The following KDM7A variants were observed in gnomAD, a reference collection of about 807,000 sequenced individuals.
KDM7A encodes lysine demethylase 7A.
A neutral mutation model predicts 114.8 loss-of-function variants in KDM7A; 28 were observed. The observed-to-expected ratio is 0.24, with a 90% CI of 0.18 to 0.33. KDM7A has a LOEUF of 0.33. Among genes scored for constraint, KDM7A ranks in the 10% least tolerant of loss-of-function variants. The pLI is 1.00. For missense variants in KDM7A, 942 were observed against 1,142.5 expected, an observed-to-expected ratio of 0.82 and a Z score of 2.53; for synonymous variants, 423 against 397.8, an observed-to-expected ratio of 1.06 and a Z score of -0.75.
intron 1 of KDM7A, among the ~76,000 whole-genome samples, chr7:140,175,952 G>A (rs974980308): frequency 1.2e-3 from 177 of 152,066 alleles, no homozygotes; most frequent in Non-Finnish European, 3.7e-4. Flanking sequence ...CCTTCGGGCC[G>A]CCGCAACCCA....
intron 12 of KDM7A, among the ~76,000 whole-genome samples, chr7:140,100,978 G>A (rs907543029): frequency 4.7e-5 from 7 of 150,492 alleles, no homozygotes; most frequent in Admixed American, 4.0e-4. Flanking sequence ...TCGATCTCCT[G>A]ACCTCGTGAT....
rs1277238910 is a variant in KDM7A at position 140,139,113 on chromosome 7, G to C, written c.272C>G (p.Ser91Cys). The change falls in exon 2 of 20, where the codon TCC (serine) becomes TGC (cysteine). Residue 91 changes from serine (S) to cysteine (C), a missense_variant. This residue lies in a region of KDM7A where 318 missense variants were observed against 453.1 expected (regional missense o/e 0.70). Transcript: ENST00000397560. ...AAGCATCTAGTACTTACTCAAGGAG[G>C]AACCATGTAAAACTGCACAGTTGGG... ...HCPNCAVLHG[S>C]SLMKKRRNWH... 6.2e-7 allele frequency: 1 copy of C among 1,607,430 alleles called. No homozygotes were observed. The highest frequency in any genetic ancestry group is 1.1e-5 in the South Asian group (1 of 90,832).
intron 11 of KDM7A, among the ~76,000 whole-genome samples, chr7:140,107,397 C>G (rs953393317): frequency 1.3e-5 from 2 of 152,196 alleles, no homozygotes; most frequent in African/African-American, 2.4e-5. Context: ...CATGTTTTTG[C>G]AGTGGCTGGT....
chr7:140,168,694 C>A (rs1434548047), intron 1 of KDM7A, among the ~76,000 whole-genome samples: 6 of 151,884 alleles, frequency 4.0e-5, no homozygotes, highest in African/African-American at 1.2e-4. Context: ...CTTTGGAAAA[C>A]AATATTCTGA....
chr7:140,141,261 T>C (rs1358931371), intron 1 of KDM7A, among the ~76,000 whole-genome samples: 1 of 152,112 alleles, frequency 6.6e-6, no homozygotes, highest in East Asian at 1.9e-4. Flanking sequence ...CCAATCAAGA[T>C]CGGTGGAACC....
chr7:140,157,546 T>C (rs1044443182), intron 1 of KDM7A, among the ~76,000 whole-genome samples: 1 of 152,098 alleles, frequency 6.6e-6, no homozygotes, highest in Non-Finnish European at 1.5e-5. Flanking sequence ...CCCAGCTACT[T>C]GGGAGGCTGA....
At chr7:140,099,640 G>A (rs750163704) in intron 13 of KDM7A, among the ~76,000 whole-genome samples, 3 of 152,196 alleles carry the variant, frequency 2.0e-5, no homozygotes, top group Non-Finnish European at 4.4e-5. Context: ...CAGATCAGTG[G>A]CAGCATTAGA....
intron 1 of KDM7A, among the ~76,000 whole-genome samples, chr7:140,141,953 T>C (rs1302268404): frequency 6.7e-6 from 1 of 149,514 alleles, no homozygotes; most frequent in African/African-American, 2.4e-5. Flanking sequence ...CATATTTATG[T>C]AAAATATATT....
Position 140,094,110 on chromosome 7 carries a change from G to A in KDM7A, c.2403C>T (p.Asp801=), listed in dbSNP as rs1321795004. ...GTTTAATCCAGGAGGAAGTCCTCAA[G>A]TCTGGATCTTCAGTCTTGACATGGT... ...CGYHVKTEDP[D]LRTSSWIKQF... is the part of the protein sequence containing the mutation. The change falls in exon 18 of 20, where the codon GAC becomes GAT. Residue 801 remains aspartate (D), a synonymous_variant. Transcript: ENST00000397560. 2 of 1,601,416 alleles carry A rather than the reference G, an allele frequency of 1.2e-6. No homozygotes were observed. The highest frequency in any genetic ancestry group is 1.7e-6 in the Non-Finnish European group (2 of 1,168,334).
intron 4 of KDM7A, 98 bp downstream of exon 4, chr7:140,129,395 T>G: frequency 3.8e-6 from 4 of 1,056,136 alleles, no homozygotes; most frequent in Non-Finnish European, 5.6e-6. Flanking sequence ...AGCAGAAAAC[T>G]AAATTGACAT....
rs1312440716 is a variant in KDM7A, at chr7:140,086,669, A to G, written c.*4425T>C. On this transcript the variant is annotated 3_prime_UTR_variant, in exon 20 of 20. Transcript: ENST00000397560. ...CACATGAACATCATCTCATAGGGCA[A>G]GCCGAAAACTGGGGGCTGTTTTAGG... 6.6e-6 allele frequency: 1 copy of G among 152,148 alleles called. No individual in the cohort carries two copies. The allele number at this position is 152,148 out of a possible 1,614,324, so 9.4% of individuals were successfully genotyped here. A position where few individuals can be genotyped will look rare whatever the true frequency, so the allele number is the denominator to read the frequency against.
Position 140,151,759 on chromosome 7 carries a change from A to C in KDM7A, c.195-12569T>G, listed in dbSNP as rs573889730. On this transcript the variant is annotated intron_variant, in intron 1 of 19. Transcript: ENST00000397560. ...CATTTGGAATGTCAGTAAAAGAAGA[A>C]GACAAATGGATTATAAATGAAATAA... Among the ~76,000 whole-genome samples the C allele has an allele frequency of 1.4e-3, 212 of 152,326 alleles. 4 individuals are homozygous for C. In the South Asian group the frequency reaches 0.039, roughly 28 times the overall value.
chr7:140,114,536 C>T (rs368782769), intron 9 of KDM7A, among the ~76,000 whole-genome samples: 12 of 152,186 alleles, frequency 7.9e-5, no homozygotes, highest in East Asian at 5.8e-4. Flanking sequence ...ACCTCCCAGC[C>T]GCCTGCCTTG....
rs1817920731 is a variant in KDM7A, at chr7:140,086,150, GGT to G, written c.*4942_*4943del. 1 of 152,194 alleles carries G rather than the reference GGT, an allele frequency of 6.6e-6. No individual in the cohort carries two copies. Among genetic ancestry groups the G allele is most frequent in the South Asian group, 2.1e-4 (1 of 4,830 alleles). 9.4% of individuals were successfully genotyped at this position (152,194 alleles called of 1,614,324 possible). ...AGAGAAGTGAATTCAGAGTGTCACA[GGT>G]CTTGCATAGGTAAACTACTTGGAGA... On this transcript the variant is annotated 3_prime_UTR_variant, in exon 20 of 20. Coordinates refer to ENST00000397560, the MANE Select transcript of KDM7A (RefSeq NM_030647.2).
In KDM7A at chr7:140,157,807, C is replaced by CA. The variant is rs879610946; in HGVS notation, c.195-18618dup. Among the ~76,000 whole-genome samples, 279 of 138,322 alleles carry CA rather than the reference C, an allele frequency of 2.0e-3. No homozygotes were observed. The East Asian group carries it at 0.022, about 11-fold the overall frequency. 90.7% of individuals were successfully genotyped at this position (138,322 alleles called of 152,430 possible). A position where few individuals can be genotyped will look rare whatever the true frequency, so the allele number is the denominator to read the frequency against. ...GGCGAAACTGTCTCTACTAAAAATA[C>CA]AAAAAAAAAAAATTAGTCAGGTGTG... On this transcript the variant is annotated intron_variant, in intron 1 of 19. Coordinates refer to ENST00000397560, the MANE Select transcript of KDM7A (RefSeq NM_030647.2).
Position 140,094,086 on chromosome 7 carries a change from T to C in KDM7A, c.2427A>G (p.Lys809=), listed in dbSNP as rs149231440. The change falls in exon 18 of 20, where the codon AAA becomes AAG. Residue 809 remains lysine (K), a synonymous_variant. Coordinates refer to ENST00000397560, the MANE Select transcript of KDM7A (RefSeq NM_030647.2). Reference sequence around the variant, plus strand: ...GATGAAATCTGGAAGTATCAAACTGTTTAATCCAGGAGGAAGTCCTCAAGT... The same window carrying C: ...GATGAAATCTGGAAGTATCAAACTGCTTAATCCAGGAGGAAGTCCTCAAGT... ...DPDLRTSSWI[K]QFDTSRFHPQ... is the part of the protein sequence containing the mutation. 1,164 of 1,602,384 alleles carry C rather than the reference T, an allele frequency of 7.3e-4. 6 individuals carry two copies. In the African/African-American group the frequency reaches 0.011, roughly 16 times the overall value.
At chr7:140,111,253 C>A in intron 10 of KDM7A, 69 bp from the exon 11 acceptor site, 1 of 1,011,402 alleles carries the variant, frequency 9.9e-7, no homozygotes, top group Non-Finnish European at 1.5e-6. Context: ...AACAAATTTA[C>A]TAAACCAATT....
In KDM7A at chr7:140,088,747, A is replaced by G; in HGVS notation, c.*2347T>C. 1 of 377,016 alleles carries G rather than the reference A, an allele frequency of 2.7e-6. No individual in the cohort carries two copies. The highest frequency in any genetic ancestry group is 4.7e-6 in the Non-Finnish European group (1 of 212,716). 23.4% of individuals were successfully genotyped at this position (377,016 alleles called of 1,614,324 possible). On this transcript the variant is annotated 3_prime_UTR_variant, in exon 20 of 20. Transcript: ENST00000397560. Reference sequence around the variant, plus strand: ...TAAGGGGCTAAAACTACTAAAAATGAATCCACAGTACCTTCACTTTAGAAT... The same window carrying G: ...TAAGGGGCTAAAACTACTAAAAATGGATCCACAGTACCTTCACTTTAGAAT...
intron 1 of KDM7A, among the ~76,000 whole-genome samples, chr7:140,171,555 TTATTTTTA>T (rs1355772143): frequency 2.1e-4 from 26 of 125,246 alleles, no homozygotes; most frequent in African/African-American, 7.4e-4. Flanking sequence ...AAATATATAT[TTATTTTTA>T]TATATTTATA....
Sources: allele counts gnomAD v4.1 joint callset (sites outside exome capture counted in the v4.1 genomes callset), GRCh38; gene constraint gnomAD v4.1.1; regional missense constraint gnomAD v4.1.1; transcripts MANE v1.5; gene names NCBI Gene and HGNC (gene_info 2026-07-23, HGNC 2026-07-21).